CEP41: variants seen among roughly 807,000 people sequenced by gnomAD.
CEP41 encodes the protein centrosomal protein 41.
In CEP41, 32 loss-of-function variants were observed where a neutral mutation model predicts 44.3. The ratio of observed to expected loss-of-function variants is 0.72; its 90% CI spans 0.54 to 0.97. CEP41 has a LOEUF of 0.97. Among genes scored for constraint, CEP41 ranks in the 50% least tolerant of loss-of-function variants. The pLI is 0.00. For missense variants in CEP41, 432 were observed against 455.2 expected (o/e 0.95, Z 0.46); for synonymous variants, 151 against 168.5 (o/e 0.90, Z 0.80).
chr7:130,437,777 A>AAAAG (rs1554426498), intron 1 of CEP41, among the ~76,000 whole-genome samples: 30 of 138,694 alleles, frequency 2.2e-4, no homozygotes, highest in Middle Eastern at 3.7e-3. Flanking sequence ...AAAAAAAAAA[A>AAAAG]AAAAAAAAAA....
At chr7:130,407,939 A>T (rs923466592) in intron 5 of CEP41, among the ~76,000 whole-genome samples, 2 of 152,222 alleles carry the variant, frequency 1.3e-5, no homozygotes, top group African/African-American at 2.4e-5. Context: ...AATATACTTA[A>T]TTTATAGATT....
At chr7:130,421,859 A>G (rs1240596451) in intron 2 of CEP41, 2 of 1,475,674 alleles carry the variant, frequency 1.4e-6, no homozygotes, top group Non-Finnish European at 1.8e-6. Context: ...CAGTGCTGCA[A>G]AACAGAAACC....
chr7:130,430,092 C>T (rs1029553533), intron 1 of CEP41, among the ~76,000 whole-genome samples: 3 of 152,112 alleles, frequency 2.0e-5, no homozygotes, highest in African/African-American at 7.2e-5. Context: ...GTTTAAATGA[C>T]CCACAAAGCA....
rs568770329 is a variant in CEP41 at position 130,427,461 on chromosome 7, C to T, written c.97+494G>A. Among the ~76,000 whole-genome samples the T allele has an allele frequency of 4.0e-4, 61 of 152,190 alleles. No homozygotes were observed. In the South Asian group the frequency reaches 0.01, roughly 25 times the overall value. ...TTACTCATTCAAGTCTGTCTGCCTC[C>T]GCTTGAATCTAAACTCTTTAACTAA... On this transcript the variant is annotated intron_variant, in intron 2 of 10. Transcript: ENST00000223208.
chr7:130,438,412 A>G (rs1401100887), intron 1 of CEP41, among the ~76,000 whole-genome samples: 2 of 152,040 alleles, frequency 1.3e-5, no homozygotes, highest in African/African-American at 4.8e-5. Flanking sequence ...CACAAAAACC[A>G]GCCAGGCTTT....
chr7:130,430,538 AAGAC>A (rs369990931), intron 1 of CEP41, among the ~76,000 whole-genome samples: 1 of 152,254 alleles, frequency 6.6e-6, no homozygotes, highest in African/African-American at 2.4e-5. Context: ...TCCCTAGAGA[AAGAC>A]AGAGCAGATT....
intron 8 of CEP41, 89 bp downstream of exon 8, chr7:130,401,781 AAGGTCCTTCAC>A (rs1796850902): frequency 1.2e-6 from 1 of 802,144 alleles, no homozygotes; most frequent in Admixed American, 1.8e-5. Flanking sequence ...AATAATATCA[AAGGTCCTTCAC>A]AGCATTCTTA....
intron 1 of CEP41, among the ~76,000 whole-genome samples, chr7:130,433,342 AG>A (rs1390901932): frequency 1.3e-5 from 2 of 151,450 alleles, no homozygotes; most frequent in African/African-American, 4.8e-5. Flanking sequence ...AAAAAAAAAA[AG>A]GAGAGATTTG....
chr7:130,425,902 G>A (rs192682625), intron 2 of CEP41, among the ~76,000 whole-genome samples: 3 of 152,310 alleles, frequency 2.0e-5, no homozygotes, highest in East Asian at 1.9e-4. Context: ...CCAAAAGGTT[G>A]CATACTGTAT....
At chr7:130,440,799 ATC>A in intron 1 of CEP41, 133 bp downstream of exon 1, 1 of 257,092 alleles carries the variant, frequency 3.9e-6, no homozygotes, top group Non-Finnish European at 7.5e-6. Flanking sequence ...CCGCCCCTGC[ATC>A]CCGACCCCTC....
At chr7:130,404,980 G>A (rs1341272898) in intron 5 of CEP41, among the ~76,000 whole-genome samples, 1 of 152,134 alleles carries the variant, frequency 6.6e-6, no homozygotes, top group East Asian at 1.9e-4. Flanking sequence ...AAGAAATGGT[G>A]GATAAAGCTG....
Position 130,396,484 on chromosome 7 carries a change from A to C in CEP41, c.*2407T>G. 2.2e-6 allele frequency: 1 copy of C among 454,546 alleles called. No homozygotes were observed. Among genetic ancestry groups the C allele is most frequent in the Non-Finnish European group, 4.4e-6 (1 of 226,794 alleles). 28.2% of individuals were successfully genotyped at this position (454,546 alleles called of 1,614,324 possible). A position where few individuals can be genotyped will look rare whatever the true frequency, so the allele number is the denominator to read the frequency against. On this transcript the variant is annotated 3_prime_UTR_variant, in exon 11 of 11. Transcript: ENST00000223208. Reference sequence around the variant, plus strand: ...GGCTCCCCCAAATCATCTCGACAGAAAAGAAGAGAGAAGTTGGCAGTTTTC... The same window carrying C: ...GGCTCCCCCAAATCATCTCGACAGACAAGAAGAGAGAAGTTGGCAGTTTTC...
At chr7:130,410,674 C>T (rs1797155002) in intron 5 of CEP41, among the ~76,000 whole-genome samples, 1 of 152,118 alleles carries the variant, frequency 6.6e-6, no homozygotes, top group Non-Finnish European at 1.5e-5. Flanking sequence ...CCTTCCATTC[C>T]TCCATTTTAA....
chr7:130,434,005 G>A (rs1554425672), intron 1 of CEP41, among the ~76,000 whole-genome samples: 1 of 152,236 alleles, frequency 6.6e-6, no homozygotes, highest in Non-Finnish European at 1.5e-5. Context: ...CTTCATGGAA[G>A]AATGGACACT....
At chr7:130,414,765 A>G (rs998142657) in intron 3 of CEP41, among the ~76,000 whole-genome samples, 6 of 152,254 alleles carry the variant, frequency 3.9e-5, no homozygotes, top group African/African-American at 4.8e-5. Context: ...GATGTTCTAC[A>G]GTAAGTTTAA....
upstream of CEP41, among the ~76,000 whole-genome samples, chr7:130,441,633 C>T (rs782553060): frequency 2.0e-5 from 3 of 152,240 alleles, no homozygotes; most frequent in African/African-American, 7.2e-5. Context: ...GTTCATCGTT[C>T]ATTTAACAAA....
rs782212510 is a variant in CEP41, at chr7:130,404,583, T to C, written c.403A>G (p.Ser135Gly). ...FINNAGAGDS[S>G]RSTLQSVISG... Reference sequence around the variant, plus strand: ...GAGTACCTCTGAAGAGTTGAGCGGCTGGAGTCCCCTGCTCCTGCGTTGTTT... The same window carrying C: ...GAGTACCTCTGAAGAGTTGAGCGGCCGGAGTCCCCTGCTCCTGCGTTGTTT... Residue 135 changes from serine (S) to glycine (G), a missense_variant, in exon 6 of 11, where the codon AGC becomes GGC. Coordinates refer to ENST00000223208, the MANE Select transcript of CEP41 (RefSeq NM_018718.3). 2 of 1,613,792 alleles carry C rather than the reference T, an allele frequency of 1.2e-6. No individual in the cohort carries two copies. Among genetic ancestry groups the C allele is most frequent in the South Asian group, 2.2e-5 (2 of 91,072 alleles).
In CEP41 at chr7:130,402,785, A is replaced by G. The variant is rs1170058733; in HGVS notation, c.437T>C (p.Val146Ala). 2 of 1,614,104 alleles carry G rather than the reference A, an allele frequency of 1.2e-6. No individual in the cohort carries two copies. The highest frequency in any genetic ancestry group is 1.7e-5 in the Admixed American group (1 of 60,010). ...RSTLQSVISG[V>A]GELDLDKGPV... ...CCCTTTGTCTAGATCCAGTTCCCCA[A>G]CACCACTGATGACACTGCAAGTGAA... The change falls in exon 7 of 11, where the codon GTT (valine) becomes GCT (alanine). Residue 146 changes from valine to alanine, a missense_variant. Coordinates refer to ENST00000223208, the MANE Select transcript of CEP41 (RefSeq NM_018718.3).
chr7:130,428,418 G>A (rs1355210237), intron 1 of CEP41, among the ~76,000 whole-genome samples: 1 of 96,750 alleles, frequency 1.0e-5, no homozygotes, highest in African/African-American at 4.3e-5. Context: ...GACAGAGAGA[G>A]ACTCTGACTC....
Sources: gnomAD v4.1 joint callset for allele counts (sites outside exome capture counted in the v4.1 genomes callset) on GRCh38, gnomAD v4.1.1 for gene constraint, MANE v1.5 for transcripts, NCBI Gene and HGNC (gene_info 2026-07-23, HGNC 2026-07-21) for gene names.